Variants in ADD2 observed in about 807,000 individuals in gnomAD.
The protein encoded by ADD2 is beta-adducin.
ADD2 carries 23 observed loss-of-function variants against 83.0 expected under a neutral mutation model. The observed-to-expected ratio is 0.28, with a 90% CI of 0.20 to 0.39. The LOEUF (loss-of-function observed/expected upper bound fraction) is 0.39, where lower values mean the gene tolerates loss of function less well. Among genes scored for constraint, ADD2 ranks in the 10% least tolerant of loss-of-function variants. The probability of loss-of-function intolerance (pLI) is 1.00; values close to 1 mark genes in which losing one functional copy is unlikely to be tolerated. For missense variants in ADD2, 758 were observed against 944.9 expected (o/e 0.80, Z 2.59); for synonymous variants, 375 against 375.4 (o/e 1.00, Z 0.01).
chr2:70,692,841 ATT>A (rs1671117114), intron 6 of ADD2, among the ~76,000 whole-genome samples: 1 of 152,222 alleles, frequency 6.6e-6, no homozygotes. Context: ...GCAGGTTCTG[ATT>A]CAGAGGCTGA....
intron 1 of ADD2, among the ~76,000 whole-genome samples, chr2:70,735,215 A>G (rs1673474916): frequency 6.6e-6 from 1 of 152,070 alleles, no homozygotes; most frequent in African/African-American, 2.4e-5. Flanking sequence ...AACAGAGAAA[A>G]GAAGGGGAAA....
Position 70,676,714 on chromosome 2 carries a change from G to T in ADD2, c.1593+82C>A. On this transcript the variant is annotated intron_variant, in intron 13 of 15. Coordinates refer to ENST00000264436, the MANE Select transcript of ADD2 (RefSeq NM_001617.4). The surrounding 1 kb of genome is among the most constrained non-coding windows in gnomAD (Gnocchi z 4.8). The stretch of plus-strand genomic sequence containing the variant: ...GGGAAGGTGGGTATGAGGACTCAGG[G>T]GTCCTGCAACCCAGCCCCAGGCACA... 1 of 1,590,708 alleles carries T rather than the reference G, an allele frequency of 6.3e-7. No homozygotes were observed. The highest frequency in any genetic ancestry group is 8.6e-7 in the Non-Finnish European group (1 of 1,167,422).
At chr2:70,703,608 T>C (rs909309662) in intron 4 of ADD2, among the ~76,000 whole-genome samples, 7 of 152,236 alleles carry the variant, frequency 4.6e-5, no homozygotes, top group Non-Finnish European at 8.8e-5. Flanking sequence ...GTTTATTGCA[T>C]TGTTCCTAAC....
rs541809227 is a variant in ADD2, at chr2:70,729,125, G to C, written c.-153-15941C>G. On this transcript the variant is annotated intron_variant, in intron 1 of 15. Coordinates refer to ENST00000264436, the MANE Select transcript of ADD2 (RefSeq NM_001617.4). ...GGCAGCTGGCTCCATGCTGGGTTGG[G>C]GGCAATTAGAGGCACTGCCTGAAGA... 7.3e-4 allele frequency among the ~76,000 whole-genome samples: 111 copies of C among 152,294 alleles called. 1 individual carries two copies. Among genetic ancestry groups the C allele is most frequent in the Non-Finnish European group, 1.3e-3 (90 of 68,028 alleles).
chr2:70,742,729 A>T (rs1036544955), intron 1 of ADD2, among the ~76,000 whole-genome samples: 4 of 152,120 alleles, frequency 2.6e-5, no homozygotes, highest in Admixed American at 6.5e-5. Context: ...AATACAATCC[A>T]CTCAAGTCCT....
At chr2:70,674,529 A>G (rs1670039357) in intron 14 of ADD2, 149 bp downstream of exon 14, 3 of 841,576 alleles carry the variant, frequency 3.6e-6, no homozygotes, top group Non-Finnish European at 5.4e-6. Flanking sequence ...TGTCAGGAAC[A>G]GAGCAATGAA....
chr2:70,765,385 ATTG>A (rs1482448350), intron 1 of ADD2, among the ~76,000 whole-genome samples: 3 of 151,756 alleles, frequency 2.0e-5, no homozygotes, highest in Non-Finnish European at 2.9e-5. Flanking sequence ...ATAAAAAAGA[ATTG>A]TTGTGTTTTT....
intron 1 of ADD2, among the ~76,000 whole-genome samples, chr2:70,763,323 C>T (rs1553385382): frequency 6.6e-6 from 1 of 151,896 alleles, no homozygotes; most frequent in African/African-American, 2.4e-5. Context: ...CATATTATTG[C>T]TTTAAAATTC....
At chr2:70,764,185 G>T (rs1416282906) in intron 1 of ADD2, among the ~76,000 whole-genome samples, 1 of 151,568 alleles carries the variant, frequency 6.6e-6, no homozygotes, top group Non-Finnish European at 1.5e-5. Context: ...ACCGCGCCCG[G>T]CCCCATCTCA....
chr2:70,663,715 T>C lies in ADD2; in HGVS notation c.1891A>G (p.Thr631Ala), dbSNP rs1675633328. 1 of 1,613,936 alleles carries C rather than the reference T, an allele frequency of 6.2e-7. No individual in the cohort carries two copies. The highest frequency in any genetic ancestry group is 8.5e-7 in the Non-Finnish European group (1 of 1,179,986). The change falls in exon 16 of 16, where the codon ACA (threonine) becomes GCA (alanine). Residue 631 changes from threonine to alanine, a missense_variant. This residue lies in a region of ADD2 where 165 missense variants were observed against 176.2 expected (regional missense o/e 0.94). Coordinates refer to ENST00000264436, the MANE Select transcript of ADD2 (RefSeq NM_001617.4). ...GGCTCTGTGGTGGCGGCTTTGCTTGTTTCTGTCTTCTTAGTACCTTCTAGA... is the reference window on the plus strand; with the variant it reads ...GGCTCTGTGGTGGCGGCTTTGCTTGCTTCTGTCTTCTTAGTACCTTCTAGA... ...SLEEGTKKTE[T>A]SKAATTEPET...
Position 70,706,205 on chromosome 2 carries a change from G to A in ADD2, c.183+21C>T, listed in dbSNP as rs782499176. 1.1e-5 allele frequency: 18 copies of A among 1,609,526 alleles called. No homozygotes were observed. Among genetic ancestry groups the A allele is most frequent in the South Asian group, 3.3e-5 (3 of 90,706 alleles). On this transcript the variant is annotated intron_variant, in intron 3 of 15. Coordinates refer to ENST00000264436, the MANE Select transcript of ADD2 (RefSeq NM_001617.4). This position sits in a 1 kb window ranked among gnomAD's most constrained non-coding sequence, Gnocchi z 5.0. Reference sequence around the variant, plus strand: ...GCCAGCGCCCCCTGCGCCCTCTCCCGCCCGGGTCAGCCCCACTCACGGGAC... The same window carrying A: ...GCCAGCGCCCCCTGCGCCCTCTCCCACCCGGGTCAGCCCCACTCACGGGAC...
intron 4 of ADD2, 54 bp downstream of exon 4, chr2:70,704,267 C>CA: frequency 4.7e-6 from 5 of 1,066,670 alleles, no homozygotes; most frequent in Non-Finnish European, 6.8e-6. Context: ...CTCTCTTCCC[C>CA]ACCCCACCCT....
chr2:70,729,940 A>G (rs1306941315), intron 1 of ADD2, among the ~76,000 whole-genome samples: 1 of 152,170 alleles, frequency 6.6e-6, no homozygotes, highest in Non-Finnish European at 1.5e-5. Flanking sequence ...AGCATTTAAA[A>G]CTTTCTTTTA....
chr2:70,721,589 C>T (rs1553377384), intron 1 of ADD2, among the ~76,000 whole-genome samples: 3 of 152,200 alleles, frequency 2.0e-5, no homozygotes. Context: ...CCCTAAGATA[C>T]AACCTTCAGG....
chr2:70,665,110 G>A (rs1319651371), intron 15 of ADD2, among the ~76,000 whole-genome samples: 4 of 152,158 alleles, frequency 2.6e-5, no homozygotes, highest in Non-Finnish European at 5.9e-5. Flanking sequence ...GGGTGATGTG[G>A]AAGGTATAGT....
intron 2 of ADD2, among the ~76,000 whole-genome samples, chr2:70,709,645 C>G (rs561446872): frequency 6.6e-6 from 1 of 152,292 alleles, no homozygotes; most frequent in African/African-American, 2.4e-5. Context: ...CTCTGACACT[C>G]TATGATTTAT....
chr2:70,706,150 C>T lies in ADD2; in HGVS notation c.183+76G>A. Reference sequence around the variant, plus strand: ...CTGAGCAAGGGAAAGAGGAGTTACTCATCTTTCGGGTGGGTACACGTCCTG... The same window carrying T: ...CTGAGCAAGGGAAAGAGGAGTTACTTATCTTTCGGGTGGGTACACGTCCTG... On this transcript the variant is annotated intron_variant, in intron 3 of 15. Coordinates refer to ENST00000264436, the MANE Select transcript of ADD2 (RefSeq NM_001617.4). The surrounding 1 kb of genome is among the most constrained non-coding windows in gnomAD (Gnocchi z 5.0). 2 of 1,479,148 alleles carry T rather than the reference C, an allele frequency of 1.4e-6. No homozygotes were observed. The highest frequency in any genetic ancestry group is 1.8e-5 in the Admixed American group (1 of 55,182). The allele number at this position is 1,479,148 out of a possible 1,614,324, so 91.6% of individuals were successfully genotyped here.
At chr2:70,695,593 TC>T (rs1553372443) in intron 6 of ADD2, 127 bp downstream of exon 6, 4 of 798,252 alleles carry the variant, frequency 5.0e-6, no homozygotes, top group Non-Finnish European at 6.3e-6. Flanking sequence ...ATGTGTCTTC[TC>T]TGCCCTATCA....
rs575045328 is a variant in ADD2 at position 70,752,106 on chromosome 2, G to A, written c.-154+15780C>T. On this transcript the variant is annotated intron_variant, in intron 1 of 15. Coordinates refer to ENST00000264436, the MANE Select transcript of ADD2 (RefSeq NM_001617.4). ...AATTCTGTAACACACACGCGCTTTG[G>A]ACATTTGCCAATGGACATTTGCAAT... Among the ~76,000 whole-genome samples, 7 of 152,256 alleles carry A rather than the reference G, an allele frequency of 4.6e-5. No individual in the cohort carries two copies. In the East Asian group the frequency reaches 1.2e-3, roughly 25 times the overall value.
Sources: gnomAD v4.1 joint callset for allele counts (sites outside exome capture counted in the v4.1 genomes callset) on GRCh38, gnomAD v4.1.1 for gene constraint, gnomAD v4.1.1 regional missense constraint, Gnocchi (gnomAD v3.1) non-coding constraint, MANE v1.5 for transcripts, NCBI Gene and HGNC (gene_info 2026-07-23, HGNC 2026-07-21) for gene names.